Variants in LINGO2 observed in about 807,000 individuals in gnomAD.
LINGO2 encodes leucine-rich repeat and immunoglobulin-like domain-containing nogo receptor-interacting protein 2.
LINGO2 carries 14 observed loss-of-function variants against 30.6 expected under a neutral mutation model. That is an observed-to-expected ratio of 0.46 (90% CI 0.30 to 0.72). The LOEUF (loss-of-function observed/expected upper bound fraction) is 0.72. LINGO2 is among the 30% of genes least tolerant of loss of function. The pLI is 0.07. For missense variants in LINGO2, 729 were observed against 751.7 expected (o/e 0.97, Z 0.35); for synonymous variants, 317 against 288.5 (o/e 1.10, Z -1.00).
intron 4 of LINGO2, among the ~76,000 whole-genome samples, chr9:28,179,539 G>GT (rs68151646): frequency 0.64 from 83,396 of 131,218 alleles, 26,923 homozygotes; most frequent in Admixed American, 0.67. Flanking sequence ...ACTATATATA[G>GT]TTTTTTACTA....
chr9:28,139,704 G>A (rs181994779), intron 4 of LINGO2, among the ~76,000 whole-genome samples: 2 of 152,126 alleles, frequency 1.3e-5, no homozygotes, highest in Non-Finnish European at 2.9e-5. Flanking sequence ...AATACGTTGA[G>A]ATGTTCATAT....
At chr9:28,059,319 C>T (rs775235809) in intron 4 of LINGO2, among the ~76,000 whole-genome samples, 8 of 152,144 alleles carry the variant, frequency 5.3e-5, no homozygotes, top group Non-Finnish European at 7.4e-5. Flanking sequence ...GCTCCCAGAG[C>T]TCGGGGCCTT....
At chr9:27,967,861 A>G (rs1820173826) in intron 5 of LINGO2, among the ~76,000 whole-genome samples, 1 of 152,172 alleles carries the variant, frequency 6.6e-6, no homozygotes. Flanking sequence ...TTGTTATTAG[A>G]TTCCTAGGTG....
chr9:28,058,613 C>A lies in LINGO2; in HGVS notation c.-86-46208G>T, dbSNP rs533212913. On this transcript the variant is annotated intron_variant, in intron 4 of 5. Transcript: ENST00000379992. Reference sequence around the variant, plus strand: ...TAAAGCAAAATGTAAGTTATACAAACACCAATGAACAAGAAAATTAAAGAA... The same window carrying A: ...TAAAGCAAAATGTAAGTTATACAAAAACCAATGAACAAGAAAATTAAAGAA... Among the ~76,000 whole-genome samples, 19 of 152,210 alleles carry A rather than the reference C, an allele frequency of 1.2e-4. 1 individual carries two copies. The South Asian group carries it at 3.9e-3, about 32-fold the overall frequency.
chr9:29,182,281 C>T, the LINGO2 span, among the ~76,000 whole-genome samples: 3 of 151,840 alleles, frequency 2.0e-5, no homozygotes, highest in Non-Finnish European at 4.4e-5. Flanking sequence ...TTAGAAATAA[C>T]AATAAGTTAG....
At chr9:28,122,527 C>G (rs1452334) in intron 4 of LINGO2, among the ~76,000 whole-genome samples, 2 of 152,152 alleles carry the variant, frequency 1.3e-5, no homozygotes, top group African/African-American at 2.4e-5. Context: ...TCACACAGGT[C>G]CAAATGGAAT....
the LINGO2 span, among the ~76,000 whole-genome samples, chr9:29,151,461 C>G: frequency 1.3e-5 from 2 of 152,102 alleles, no homozygotes; most frequent in Admixed American, 6.6e-5. Context: ...AAGTGGCAAG[C>G]TGGATAATAA....
chr9:29,166,528 A>T, the LINGO2 span, among the ~76,000 whole-genome samples: 1 of 152,284 alleles, frequency 6.6e-6, no homozygotes, highest in African/African-American at 2.4e-5. Context: ...CTTACAGATG[A>T]AAAACTAGTC....
At chr9:28,616,199 TG>T (rs1181288928) in intron 1 of LINGO2, among the ~76,000 whole-genome samples, 15 of 152,200 alleles carry the variant, frequency 9.9e-5, no homozygotes, top group African/African-American at 3.6e-4. Context: ...TAAATATTTT[TG>T]TTCAGCTGGT....
At chr9:28,761,508 A>G in the LINGO2 span, among the ~76,000 whole-genome samples, 2 of 151,482 alleles carry the variant, frequency 1.3e-5, no homozygotes, top group African/African-American at 2.4e-5. Context: ...ACGCACACAC[A>G]CGTGTGTGTG....
At chr9:28,107,270 A>C (rs1036374299) in intron 4 of LINGO2, among the ~76,000 whole-genome samples, 2 of 152,182 alleles carry the variant, frequency 1.3e-5, no homozygotes, top group African/African-American at 4.8e-5. Context: ...GTTTTGGTCA[A>C]TATTATATTC....
At chr9:28,537,243 G>A (rs1471326242) in intron 1 of LINGO2, among the ~76,000 whole-genome samples, 4 of 152,078 alleles carry the variant, frequency 2.6e-5, no homozygotes, top group African/African-American at 7.2e-5. Flanking sequence ...CCAGAACTGA[G>A]AGACAATATA....
chr9:28,973,327 T>G, the LINGO2 span, among the ~76,000 whole-genome samples: 1 of 152,124 alleles, frequency 6.6e-6, no homozygotes, highest in Non-Finnish European at 1.5e-5. Context: ...CTCCAATATG[T>G]CTGGAAGCAG....
At chr9:28,627,478 A>G (rs1826733871) in intron 1 of LINGO2, among the ~76,000 whole-genome samples, 2 of 152,010 alleles carry the variant, frequency 1.3e-5, no homozygotes, top group Non-Finnish European at 2.9e-5. Context: ...TGTTTTCTCA[A>G]CTGATCTCCT....
the LINGO2 span, among the ~76,000 whole-genome samples, chr9:29,175,425 T>G: frequency 6.6e-6 from 1 of 152,148 alleles, no homozygotes; most frequent in Admixed American, 6.6e-5. Context: ...TATTGAACAC[T>G]TTGTGCACCT....
In LINGO2 at chr9:28,063,947, C is replaced by T. The variant is rs577298847; in HGVS notation, c.-86-51542G>A. Among the ~76,000 whole-genome samples the T allele has an allele frequency of 5.3e-5, 8 of 152,202 alleles. No individual in the cohort carries two copies. In the East Asian group the frequency reaches 1.5e-3, roughly 29 times the overall value. On this transcript the variant is annotated intron_variant, in intron 4 of 5. Transcript: ENST00000379992. ...TTTGAGTTCTAGAGTGTATTGTTTT[C>T]CTCAGTCACACCTCAATACATAATA...
At chr9:29,114,398 ATT>A in the LINGO2 span, among the ~76,000 whole-genome samples, 4 of 85,892 alleles carry the variant, frequency 4.7e-5, no homozygotes, top group Non-Finnish European at 9.8e-5. Context: ...TATTATTATT[ATT>A]ATTATTATTA....
At chr9:28,550,338 T>G (rs1282463032) in intron 1 of LINGO2, among the ~76,000 whole-genome samples, 2 of 151,844 alleles carry the variant, frequency 1.3e-5, no homozygotes, top group Admixed American at 1.3e-4. Flanking sequence ...CCTTTATAAT[T>G]TCTTCAGATT....
At chr9:29,024,095 C>G in the LINGO2 span, among the ~76,000 whole-genome samples, 1 of 152,032 alleles carries the variant, frequency 6.6e-6, no homozygotes, top group African/African-American at 2.4e-5. Context: ...ACCAGTCTTC[C>G]TAATTTCAGC....
Sources: allele counts gnomAD v4.1 joint callset (sites outside exome capture counted in the v4.1 genomes callset), GRCh38; gene constraint gnomAD v4.1.1; transcripts MANE v1.5; gene names NCBI Gene and HGNC (gene_info 2026-07-23, HGNC 2026-07-21).